ATP11A: variants seen among roughly 807,000 people sequenced by gnomAD.
The protein encoded by ATP11A is phospholipid-transporting ATPase IH.
Under a neutral mutation model 154.4 loss-of-function variants are expected in ATP11A, and 81 were observed. The ratio of observed to expected loss-of-function variants is 0.52; its 90% CI spans 0.44 to 0.63. The LOEUF (loss-of-function observed/expected upper bound fraction) is 0.63. Ranked by LOEUF, ATP11A falls within the 30% of genes least tolerant of loss-of-function variation. The pLI is 0.00. For missense variants in ATP11A, 1,316 were observed against 1,474.3 expected (o/e 0.89, Z 1.76); for synonymous variants, 623 against 585.9 (o/e 1.06, Z -0.91).
At chr13:112,803,686 TC>T (rs1291659174) in intron 2 of ATP11A, among the ~76,000 whole-genome samples, 2 of 149,438 alleles carry the variant, frequency 1.3e-5, no homozygotes, top group Non-Finnish European at 3.0e-5. Flanking sequence ...TCTCCCTCCT[TC>T]CCCTCCCTCC....
At chr13:112,829,114 A>T in intron 12 of ATP11A, among the ~76,000 whole-genome samples, 1 of 152,226 alleles carries the variant, frequency 6.6e-6, no homozygotes, top group Non-Finnish European at 1.5e-5. Context: ...CCGTTCTGCG[A>T]TGCAGTGCTG....
chr13:112,775,581 C>G (rs1051220878), intron 1 of ATP11A, among the ~76,000 whole-genome samples: 7 of 152,178 alleles, frequency 4.6e-5, no homozygotes, highest in Non-Finnish European at 8.8e-5. Context: ...ATATAAAAAT[C>G]TATATTTTAA....
intron 2 of ATP11A, among the ~76,000 whole-genome samples, chr13:112,804,008 A>C (rs1328097059): frequency 5.1e-4 from 6 of 11,722 alleles, no homozygotes; most frequent in Admixed American, 1.2e-3. Context: ...TCCCTCCTTC[A>C]CCTCCCTCCC....
At chr13:112,743,522 T>G (rs1371266197) in intron 1 of ATP11A, among the ~76,000 whole-genome samples, 1 of 152,084 alleles carries the variant, frequency 6.6e-6, no homozygotes, top group Non-Finnish European at 1.5e-5. Flanking sequence ...TAGGCAGGTG[T>G]TGTAGGTTCC....
At chr13:112,831,569 C>A in intron 13 of ATP11A, 21 bp downstream of exon 13, 8 of 1,606,942 alleles carry the variant, frequency 5.0e-6, no homozygotes, top group Non-Finnish European at 6.0e-6. Flanking sequence ...GCCCCCACGC[C>A]GTCCAAGTGT....
chr13:112,755,227 C>T (rs2076791106), intron 1 of ATP11A, among the ~76,000 whole-genome samples: 1 of 152,226 alleles, frequency 6.6e-6, no homozygotes, highest in African/African-American at 2.4e-5. Flanking sequence ...CTGCAGGCTG[C>T]ACGTGGACTG....
At chr13:112,760,735 C>T (rs1317883432) in intron 1 of ATP11A, among the ~76,000 whole-genome samples, 1 of 152,160 alleles carries the variant, frequency 6.6e-6, no homozygotes, top group African/African-American at 2.4e-5. Flanking sequence ...TAGTTGTTAA[C>T]AGTTCTGCCA....
intron 1 of ATP11A, among the ~76,000 whole-genome samples, chr13:112,713,047 A>G (rs192063790): frequency 1.3e-5 from 2 of 152,380 alleles, no homozygotes; most frequent in Non-Finnish European, 2.9e-5. Context: ...ACTGTATTTC[A>G]GTAGACTTAT....
At chr13:112,720,854 C>A (rs115840743) in intron 1 of ATP11A, among the ~76,000 whole-genome samples, 1,705 of 152,282 alleles carry the variant, frequency 0.011, 25 homozygotes, top group African/African-American at 0.039. Flanking sequence ...TCTACTTTGA[C>A]ATCAGTACCT....
intron 1 of ATP11A, among the ~76,000 whole-genome samples, chr13:112,772,950 T>C (rs1400558282): frequency 6.6e-6 from 1 of 152,220 alleles, no homozygotes; most frequent in Non-Finnish European, 1.5e-5. Context: ...TGGCATCTGA[T>C]CACGGATGCT....
intron 17 of ATP11A, among the ~76,000 whole-genome samples, chr13:112,848,238 ATTTC>A (rs2079661399): frequency 6.6e-6 from 1 of 152,150 alleles, no homozygotes; most frequent in South Asian, 2.1e-4. Flanking sequence ...GTATTTTATA[ATTTC>A]TTTCAGCAAA....
At chr13:112,805,408 C>T (rs1387035978) in intron 3 of ATP11A, among the ~76,000 whole-genome samples, 1 of 152,108 alleles carries the variant, frequency 6.6e-6, no homozygotes, top group East Asian at 1.9e-4. Flanking sequence ...TAAAGAAAAT[C>T]CAGGCCGGGC....
chr13:112,753,145 C>T lies in ATP11A; in HGVS notation c.40-31990C>T, dbSNP rs538653511. 3.3e-4 allele frequency among the ~76,000 whole-genome samples: 50 copies of T among 152,220 alleles called. No homozygotes were observed. Among genetic ancestry groups the T allele is most frequent in the African/African-American group, 1.2e-3 (49 of 41,532 alleles). On this transcript the variant is annotated intron_variant, in intron 1 of 29. Transcript: ENST00000375645. The surrounding 1 kb of genome is among the most constrained non-coding windows in gnomAD (Gnocchi z 4.1). ...CGGCCCAGACTTTTTTCTCTCTGTC[C>T]CTCCGTCCCTTTGTACCTGCGTGTT...
rs2079137973 is a variant in ATP11A at position 112,832,976 on chromosome 13, C to T, written c.1512C>T (p.Tyr504=). 6.2e-7 allele frequency: 1 copy of T among 1,613,830 alleles called. No individual in the cohort carries two copies. The change falls in exon 14 of 30, where the codon TAC becomes TAT. Residue 504 remains tyrosine, a synonymous_variant. Transcript: ENST00000375645. ...KSPDGGKSCV[Y]ISSSPDEVAL... Reference sequence around the variant, plus strand: ...CGGACGGGGGGAAATCCTGTGTGTACATCTCATCCTCGCCCGACGAGGTGG... The same window carrying T: ...CGGACGGGGGGAAATCCTGTGTGTATATCTCATCCTCGCCCGACGAGGTGG...
intron 14 of ATP11A, among the ~76,000 whole-genome samples, chr13:112,833,442 G>A (rs1436091544): frequency 2.6e-5 from 4 of 152,184 alleles, no homozygotes; most frequent in Admixed American, 6.5e-5. Flanking sequence ...CAGAGCTGGT[G>A]CGGGACCTCT....
chr13:112,721,508 C>T (rs1889177602), intron 1 of ATP11A, among the ~76,000 whole-genome samples: 1 of 152,212 alleles, frequency 6.6e-6, no homozygotes, highest in Non-Finnish European at 1.5e-5. Context: ...GCAGCGGTCA[C>T]TGCTGAAGAC....
Position 112,855,951 on chromosome 13 carries a change from G to A in ATP11A, c.2284G>A (p.Gly762Arg), listed in dbSNP as rs1566577634. The change falls in exon 20 of 30, where the codon GGA (glycine) becomes AGA (arginine). Residue 762 changes from glycine to arginine, a missense_variant. Gly to Arg is a moderately radical substitution (Grantham distance 125). Transcript: ENST00000375645. ...DMQDYGLIIDGAALSLIMKPR... is the reference protein window; with the variant it reads ...DMQDYGLIIDRAALSLIMKPR... ...GCAGGACTACGGTTTAATTATCGAC[G>A]GAGCTGCACTGTCTCTGATAATGAA... 6.8e-6 allele frequency: 11 copies of A among 1,613,886 alleles called. No individual in the cohort carries two copies. The highest frequency in any genetic ancestry group is 9.3e-6 in the Non-Finnish European group (11 of 1,179,906).
chr13:112,717,692 T>G (rs1337013634), intron 1 of ATP11A: 1 of 152,214 alleles, frequency 6.6e-6, no homozygotes, highest in Non-Finnish European at 1.5e-5. Context: ...TGATACTGAA[T>G]TGATTAAGTT....
At chr13:112,757,784 T>G (rs1018422287) in intron 1 of ATP11A, among the ~76,000 whole-genome samples, 1 of 152,224 alleles carries the variant, frequency 6.6e-6, no homozygotes, top group Non-Finnish European at 1.5e-5. Flanking sequence ...ACTCAAAACG[T>G]CTTTCTTCCT....
Sources: gnomAD v4.1 joint callset for allele counts (sites outside exome capture counted in the v4.1 genomes callset) on GRCh38, gnomAD v4.1.1 for gene constraint, Gnocchi (gnomAD v3.1) non-coding constraint, MANE v1.5 for transcripts, NCBI Gene and HGNC (gene_info 2026-07-23, HGNC 2026-07-21) for gene names.